DNAJC14: variants seen among roughly 807,000 people sequenced by gnomAD.
The protein encoded by DNAJC14 is DnaJ heat shock protein family (Hsp40) member C14, also known as dnaJ homolog subfamily C member 14.
In DNAJC14, 12 loss-of-function variants were observed where a neutral mutation model predicts 68.8. The observed-to-expected ratio is 0.17, with a 90% CI of 0.11 to 0.28. The LOEUF is 0.28. DNAJC14 is among the 10% of genes least tolerant of loss of function. The pLI is 1.00. For synonymous variants in DNAJC14, 350 were observed against 321.5 expected (o/e 1.09, Z -0.95); for missense variants, 764 against 875.6 (o/e 0.87, Z 1.61).
Position 55,827,432 on chromosome 12 carries a change from A to G in DNAJC14, c.1227T>C (p.Asn409=), listed in dbSNP as rs1207585922. 4.3e-6 allele frequency: 7 copies of G among 1,609,520 alleles called. No individual in the cohort carries two copies. The Admixed American group carries it at 5.1e-5, about 12-fold the overall frequency. The change falls in exon 2 of 7, where the codon AAT becomes AAC. Residue 409 remains asparagine (N), a synonymous_variant. Coordinates refer to ENST00000678005, the MANE Select transcript of DNAJC14 (RefSeq NM_032364.6). ...TAGCTACAGGTGCATTCCCCTGCCT[A>G]TTAATATTCTGCTTGACCCAAGGCA... The part of the protein sequence containing the change: ...LELPWVKQNI[N]RQGNAPVASG...
chr12:55,829,367 C>T (rs1006266086), intron 1 of DNAJC14, 122 bp downstream of exon 1: 75 of 975,430 alleles, frequency 7.7e-5, no homozygotes, highest in Non-Finnish European at 8.5e-5. Context: ...ATCGCTTGAA[C>T]CCGGGAGGTG....
At chr12:55,826,097 G>A (rs932121171) in intron 2 of DNAJC14, among the ~76,000 whole-genome samples, 2 of 151,866 alleles carry the variant, frequency 1.3e-5, no homozygotes, top group African/African-American at 2.4e-5. Flanking sequence ...GTTCAGGTAA[G>A]AGCAACTGAG....
At position 55,827,705 on chromosome 12, in the gene DNAJC14, T is replaced by C. The variant is rs765130023; in HGVS notation, c.954A>G (p.Gly318=). The C allele has an allele frequency of 6.2e-7, 1 of 1,614,038 alleles. No individual in the cohort carries two copies. Among genetic ancestry groups the C allele is most frequent in the Non-Finnish European group, 8.5e-7 (1 of 1,179,994 alleles). ...GCAGCTTAAGAAAACGAGTAAACAG[T>C]CCTACTCCACAGTAAAACCCCTGGC... ...FLSQGFYCGV[G]LFTRFLKLLG... Residue 318 remains glycine (G), a synonymous_variant, in exon 2 of 7, where the codon GGA becomes GGG. Coordinates refer to ENST00000678005, the MANE Select transcript of DNAJC14 (RefSeq NM_032364.6).
chr12:55,828,609 C>T lies in DNAJC14; in HGVS notation c.50G>A (p.Ser17Asn), dbSNP rs1880872643. 1.9e-6 allele frequency: 3 copies of T among 1,614,140 alleles called. No homozygotes were observed. The highest frequency in any genetic ancestry group is 2.5e-6 in the Non-Finnish European group (3 of 1,180,010). Reference sequence around the variant, plus strand: ...TAAAGTCCTGAGGGAGGCACCACCACTGTGGTGGGCTCCATACAACCCTCT... The same window carrying T: ...TAAAGTCCTGAGGGAGGCACCACCATTGTGGTGGGCTCCATACAACCCTCT... ...GERGLYGAHH[S>N]GGASLRTLGP... Residue 17 changes from serine (S) to asparagine (N), a missense_variant, in exon 2 of 7, where the codon AGT (serine) becomes AAT (asparagine). This residue lies in a region of DNAJC14 where 514 missense variants were observed against 521.7 expected (regional missense o/e 0.99). Transcript: ENST00000678005.
rs767800520 is a variant in DNAJC14, at chr12:55,822,130, T to C, written c.1956A>G (p.Gln652=). The C allele has an allele frequency of 1.5e-5, 24 of 1,608,420 alleles. No individual in the cohort carries two copies. Among genetic ancestry groups the C allele is most frequent in the Non-Finnish European group, 2.0e-5 (24 of 1,178,062 alleles). ...DLQDFLSRIF[Q]VPPGQMPNGN... ...CATTGGGCATCTGCCCTGGGGGTACTTGAAAGATCCGACTCAAGAAATCCT... is the reference window on the plus strand; with the variant it reads ...CATTGGGCATCTGCCCTGGGGGTACCTGAAAGATCCGACTCAAGAAATCCT... The change falls in exon 7 of 7, where the codon CAA becomes CAG. Residue 652 remains glutamine (Q), a synonymous_variant. Coordinates refer to ENST00000678005, the MANE Select transcript of DNAJC14 (RefSeq NM_032364.6).
intron 2 of DNAJC14, among the ~76,000 whole-genome samples, chr12:55,825,797 C>T (rs754740489): frequency 4.0e-5 from 6 of 151,872 alleles, no homozygotes; most frequent in South Asian, 2.1e-4. Flanking sequence ...GCCCACCTCA[C>T]CCTCCCAAAG....
At chr12:55,822,810 C>T in intron 4 of DNAJC14, 78 bp from the exon 5 acceptor site, 1 of 1,549,552 alleles carries the variant, frequency 6.5e-7, no homozygotes, top group Non-Finnish European at 8.7e-7. Context: ...TACCATTATT[C>T]ACAAATAGGG....
upstream of DNAJC14, chr12:55,829,634 C>G (rs1431716967): frequency 3.3e-5 from 32 of 982,732 alleles, no homozygotes; most frequent in Non-Finnish European, 3.6e-5. Context: ...GGGCCTACTT[C>G]CACTTCCGGG....
At position 55,827,654 on chromosome 12, in the gene DNAJC14, C is replaced by T. The variant is rs749808594; in HGVS notation, c.1005G>A (p.Leu335=). 6.2e-7 allele frequency: 1 copy of T among 1,613,174 alleles called. No individual in the cohort carries two copies. The highest frequency in any genetic ancestry group is 1.1e-5 in the South Asian group (1 of 90,974). ...ACTGTAGAAAGCCCAAAAAGAGGGC[C>T]AGAGCCAGGAGCAGCAAAGCACCCA... ...KLLGALLLLA[L]ALFLGFLQLG... Residue 335 remains leucine, a synonymous_variant, in exon 2 of 7, where the codon CTG becomes CTA. Coordinates refer to ENST00000678005, the MANE Select transcript of DNAJC14 (RefSeq NM_032364.6).
intron 2 of DNAJC14, 118 bp downstream of exon 2, chr12:55,827,134 T>C (rs1880818181): frequency 1.9e-6 from 2 of 1,065,478 alleles, no homozygotes; most frequent in African/African-American, 1.7e-5. Context: ...GAGGTTGTAG[T>C]GAGCTGAGAT....
rs552929588 is a variant in DNAJC14 at position 55,823,533 on chromosome 12, A to G, written c.1408-25T>C. 1.9e-6 allele frequency: 3 copies of G among 1,596,792 alleles called. No homozygotes were observed. The East Asian group carries it at 6.7e-5, about 36-fold the overall frequency. ...CCTACCAAGACAGAGAGATTTCATT[A>G]CAAATCCATTCCAACCCTCTCCTCA... On this transcript the variant is annotated intron_variant, in intron 2 of 6. Transcript: ENST00000678005.
chr12:55,822,127 T>G lies in DNAJC14; in HGVS notation c.1959A>C (p.Val653=). ...LQDFLSRIFQ[V]PPGQMPNGNF... is the part of the protein sequence containing the mutation. ...TCCCATTGGGCATCTGCCCTGGGGGTACTTGAAAGATCCGACTCAAGAAAT... is the reference window on the plus strand; with the variant it reads ...TCCCATTGGGCATCTGCCCTGGGGGGACTTGAAAGATCCGACTCAAGAAAT... Residue 653 remains valine, a synonymous_variant, in exon 7 of 7, where the codon GTA becomes GTC. Transcript: ENST00000678005. 6.2e-7 allele frequency: 1 copy of G among 1,607,802 alleles called. No homozygotes were observed.
intron 3 of DNAJC14, 69 bp from the exon 4 acceptor site, chr12:55,823,258 C>T (rs570660814): frequency 1.9e-6 from 3 of 1,608,734 alleles, no homozygotes; most frequent in Non-Finnish European, 1.7e-6. Flanking sequence ...TATCAGTTGG[C>T]CTCTTGAGGC....
chr12:55,822,877 T>A (rs1592592560), intron 4 of DNAJC14, 145 bp from the exon 5 acceptor site: 1 of 1,395,652 alleles, frequency 7.2e-7, no homozygotes, highest in African/African-American at 1.4e-5. Flanking sequence ...CGTTCTATCC[T>A]AAAGCTAATG....
Position 55,822,204 on chromosome 12 carries a change from G to A in DNAJC14, c.1899-17C>T. ...GGGGTGGCTCTGAGGTAAAACAGAA[G>A]AAATAAGGCAAGAGATGTTAGAGTC... On this transcript the variant is annotated splice_polypyrimidine_tract_variant and intron_variant, in intron 6 of 6. Transcript: ENST00000678005. 1 of 1,562,956 alleles carries A rather than the reference G, an allele frequency of 6.4e-7. No homozygotes were observed.
intron 2 of DNAJC14, among the ~76,000 whole-genome samples, chr12:55,824,577 A>T (rs533794175): frequency 6.6e-6 from 1 of 152,324 alleles, no homozygotes; most frequent in South Asian, 2.1e-4. Context: ...ACTAGGGCTT[A>T]GTAAGGCAGT....
At position 55,828,789 on chromosome 12, in the gene DNAJC14, A is replaced by C. The variant is rs1043576457; in HGVS notation, c.-56-75T>G. 106 of 1,385,144 alleles carry C rather than the reference A, an allele frequency of 7.7e-5. 1 individual carries two copies. The South Asian group carries it at 1.8e-3, about 23-fold the overall frequency. 85.8% of individuals were successfully genotyped at this position (1,385,144 alleles called of 1,614,324 possible). ...AATTAAACAATCTCAAATAGTGGAC[A>C]CATTTAATTCATCCACCTCCCTTGT... On this transcript the variant is annotated intron_variant, in intron 1 of 6. Coordinates refer to ENST00000678005, the MANE Select transcript of DNAJC14 (RefSeq NM_032364.6).
chr12:55,823,589 T>C, intron 2 of DNAJC14, 81 bp from the exon 3 acceptor site: 2 of 1,224,676 alleles, frequency 1.6e-6, no homozygotes, highest in Middle Eastern at 1.9e-4. Context: ...CAAAGGGTTC[T>C]CTTTCATCAC....
chr12:55,829,193 T>G (rs768054622), intron 1 of DNAJC14: 78 of 984,686 alleles, frequency 7.9e-5, no homozygotes, highest in Non-Finnish European at 8.8e-5. Flanking sequence ...ACGCCTGTAA[T>G]CCCAGCACTT....
Sources: allele counts gnomAD v4.1 joint callset (sites outside exome capture counted in the v4.1 genomes callset), GRCh38; gene constraint gnomAD v4.1.1; regional missense constraint gnomAD v4.1.1; transcripts MANE v1.5; gene names NCBI Gene and HGNC (gene_info 2026-07-23, HGNC 2026-07-21).